The following KLHDC4 variants were observed in gnomAD, a reference collection of about 807,000 sequenced individuals.
KLHDC4 encodes the protein kelch domain containing 4.
In KLHDC4, 90 loss-of-function variants were observed where a neutral mutation model predicts 62.4. That is an observed-to-expected ratio of 1.44 (90% CI 1.22 to 1.72). The LOEUF is 1.72. Ranked by LOEUF, KLHDC4 falls within the 40% of genes most tolerant of loss-of-function variation. The probability of loss-of-function intolerance (pLI) is 0.00; values close to 1 mark genes in which losing one functional copy is unlikely to be tolerated. For missense variants in KLHDC4, 1,025 were observed against 699.7 expected (o/e 1.47, Z -5.25); for synonymous variants, 386 against 284.4 (o/e 1.36, Z -3.59).
intron 4 of KLHDC4, among the ~76,000 whole-genome samples, chr16:87,749,811 G>C (rs942692471): frequency 6.6e-6 from 1 of 152,210 alleles, no homozygotes; most frequent in East Asian, 1.9e-4. Flanking sequence ...CCTGGCTTTA[G>C]TCAATTCTCC....
In KLHDC4 at chr16:87,724,394, C is replaced by G. The variant is rs549793872; in HGVS notation, c.759+2371G>C. Reference sequence around the variant, plus strand: ...ATTAGATTTTATCAAAAACTCAAAGCTTCTCATCAACAAACACTTCGGAAG... The same window carrying G: ...ATTAGATTTTATCAAAAACTCAAAGGTTCTCATCAACAAACACTTCGGAAG... On this transcript the variant is annotated intron_variant, in intron 7 of 11. Transcript: ENST00000270583. Among the ~76,000 whole-genome samples the G allele has an allele frequency of 3.3e-5, 5 of 152,254 alleles. No individual in the cohort carries two copies. The East Asian group carries it at 7.7e-4, about 23-fold the overall frequency.
At chr16:87,754,411 A>C (rs1161692887) in intron 4 of KLHDC4, among the ~76,000 whole-genome samples, 1 of 152,252 alleles carries the variant, frequency 6.6e-6, no homozygotes, top group African/African-American at 2.4e-5. Flanking sequence ...AATGCCTGCA[A>C]GCCTGCATCT....
At chr16:87,722,739 C>G (rs2038639031) in intron 7 of KLHDC4, among the ~76,000 whole-genome samples, 1 of 152,226 alleles carries the variant, frequency 6.6e-6, no homozygotes, top group Non-Finnish European at 1.5e-5. Context: ...TAGAGGAGAC[C>G]TGGCCTGGCT....
chr16:87,736,105 G>A (rs910653287), intron 5 of KLHDC4, among the ~76,000 whole-genome samples: 11 of 152,144 alleles, frequency 7.2e-5, no homozygotes, highest in South Asian at 2.1e-4. Flanking sequence ...ATCATTAGGC[G>A]ACCTTGTCAT....
intron 8 of KLHDC4, among the ~76,000 whole-genome samples, chr16:87,712,760 G>T (rs890673927): frequency 2.6e-5 from 4 of 152,244 alleles, no homozygotes; most frequent in African/African-American, 9.6e-5. Context: ...TTTAGTGCAA[G>T]AAGGAGGTAA....
At chr16:87,757,709 G>A (rs372369608) in intron 2 of KLHDC4, among the ~76,000 whole-genome samples, 4 of 151,676 alleles carry the variant, frequency 2.6e-5, no homozygotes, top group African/African-American at 7.3e-5. Context: ...GGCAAACACG[G>A]TGAAACCCCC....
chr16:87,748,378 C>A (rs573143721), intron 5 of KLHDC4, among the ~76,000 whole-genome samples: 1 of 152,202 alleles, frequency 6.6e-6, no homozygotes, highest in Non-Finnish European at 1.5e-5. Flanking sequence ...ATGATGTAAA[C>A]AGAAGACCAC....
chr16:87,737,516 A>C (rs963457546), intron 5 of KLHDC4, among the ~76,000 whole-genome samples: 1 of 150,870 alleles, frequency 6.6e-6, no homozygotes, highest in African/African-American at 2.4e-5. Context: ...TGAACTCAGG[A>C]GGCGGAGGTT....
intron 9 of KLHDC4, chr16:87,710,527 A>G (rs978743991): frequency 1.3e-5 from 2 of 152,284 alleles, no homozygotes; most frequent in African/African-American, 4.8e-5. Context: ...GAGAACCGTG[A>G]CACTAGCTGG....
At chr16:87,705,459 T>A (rs2034554028), downstream of KLHDC4, among the ~76,000 whole-genome samples, 1 of 152,260 alleles carries the variant, frequency 6.6e-6, no homozygotes, top group African/African-American at 2.4e-5. Flanking sequence ...CCCCATTGGT[T>A]CTGATCAGCA....
chr16:87,714,784 CT>C (rs2036606947), intron 7 of KLHDC4, among the ~76,000 whole-genome samples: 2 of 152,294 alleles, frequency 1.3e-5, no homozygotes, highest in South Asian at 4.1e-4. Context: ...AAGAGGCCAC[CT>C]TTCTAATGGC....
At chr16:87,755,153 T>G in intron 4 of KLHDC4, 41 bp downstream of exon 4, 7 of 1,368,040 alleles carry the variant, frequency 5.1e-6, no homozygotes, top group Non-Finnish European at 7.3e-6. Flanking sequence ...GACTCCCACG[T>G]GGGAAGAGGG....
chr16:87,698,254 T>TA (rs2033984422), exon 1 of KLHDC4: 2 of 152,328 alleles, frequency 1.3e-5, no homozygotes, highest in Non-Finnish European at 2.9e-5. Context: ...CTGAAGGTCA[T>TA]ACATTTCTGA....
intron 1 of KLHDC4, 134 bp from the exon 2 acceptor site, chr16:87,762,174 C>G: frequency 6.8e-7 from 1 of 1,477,764 alleles, no homozygotes; most frequent in Non-Finnish European, 8.9e-7. Flanking sequence ...CATACTGTGC[C>G]TGTTTGAAAT....
In KLHDC4 at chr16:87,714,498, C is replaced by T; in HGVS notation, c.835G>A (p.Asp279Asn). The T allele has an allele frequency of 6.2e-7, 1 of 1,614,178 alleles. No homozygotes were observed. Among genetic ancestry groups the T allele is most frequent in the South Asian group, 1.1e-5 (1 of 91,080 alleles). ...FLLKPEDGREDKWVWTRMNPS... is the reference protein window; with the variant it reads ...FLLKPEDGRENKWVWTRMNPS... ...CGCCCTGGAGGCACAGCACCTCTAC[C>T]TTCTCTTCCGTCCTCTGGCTTCAGC... The change falls in exon 8 of 12, where the codon GAC becomes AAC. Residue 279 changes from aspartate to asparagine, a missense_variant and splice_region_variant. By Grantham distance (23) the Asp-to-Asn change is conservative. Transcript: ENST00000270583.
At chr16:87,736,110 T>C (rs555931699) in intron 5 of KLHDC4, among the ~76,000 whole-genome samples, 1 of 152,282 alleles carries the variant, frequency 6.6e-6, no homozygotes, top group African/African-American at 2.4e-5. Context: ...TAGGCGACCT[T>C]GTCATTGTGC....
At position 87,755,252 on chromosome 16, in the gene KLHDC4, T is replaced by G; in HGVS notation, c.311A>C (p.Lys104Thr). 1 of 1,611,146 alleles carries G rather than the reference T, an allele frequency of 6.2e-7. No homozygotes were observed. The highest frequency in any genetic ancestry group is 8.5e-7 in the Non-Finnish European group (1 of 1,177,368). The change falls in exon 4 of 12, where the codon AAG (lysine) becomes ACG (threonine). Residue 104 changes from lysine (K) to threonine (T), a missense_variant. Transcript: ENST00000270583. Reference protein sequence around the residue: ...YNELYVYNTRKDTWTKVDIPS... With the variant: ...YNELYVYNTRTDTWTKVDIPS... ...GATGTCAACTTTGGTCCAGGTGTCC[T>G]TTCTGGTATTGTAGACATAGAGCTC...
intron 2 of KLHDC4, among the ~76,000 whole-genome samples, chr16:87,759,251 T>C (rs2045496853): frequency 6.6e-6 from 1 of 151,960 alleles, no homozygotes; most frequent in East Asian, 1.9e-4. Context: ...AAAAACTTTT[T>C]AGGTCGGGTG....
Position 87,709,590 on chromosome 16 carries a change from C to A in KLHDC4, c.1122G>T (p.Gly374=). 6.2e-7 allele frequency: 1 copy of A among 1,612,908 alleles called. No individual in the cohort carries two copies. Residue 374 remains glycine (G), a synonymous_variant, in exon 10 of 12, where the codon GGG becomes GGT. Coordinates refer to ENST00000270583, the MANE Select transcript of KLHDC4 (RefSeq NM_017566.4). ...EPEGGSRPAC[G]GAGTQGPVQL... is the part of the protein sequence containing the mutation. ...GCACAGGCCCCTGGGTGCCAGCTCCCCCACACGCCGGCCTGCTACCACCTT... is the reference window on the plus strand; with the variant it reads ...GCACAGGCCCCTGGGTGCCAGCTCCACCACACGCCGGCCTGCTACCACCTT...
Sources: allele counts gnomAD v4.1 joint callset (sites outside exome capture counted in the v4.1 genomes callset), GRCh38; gene constraint gnomAD v4.1.1; transcripts MANE v1.5; gene names NCBI Gene and HGNC (gene_info 2026-07-23, HGNC 2026-07-21).